The following EPS8L2 variants were observed in gnomAD, a reference collection of about 807,000 sequenced individuals.
EPS8L2 encodes the protein epidermal growth factor receptor kinase substrate 8-like protein 2.
A neutral mutation model predicts 99.4 loss-of-function variants in EPS8L2; 81 were observed. The observed-to-expected ratio is 0.82, with a 90% CI of 0.68 to 0.98. EPS8L2 has a LOEUF of 0.98. EPS8L2 is among the 50% of genes least tolerant of loss of function. The pLI, the probability that EPS8L2 is intolerant of heterozygous loss-of-function variation, is 0.00. For missense variants in EPS8L2, 1,155 were observed against 968.8 expected (o/e 1.19, Z -2.55); for synonymous variants, 509 against 407.3 (o/e 1.25, Z -3.01).
Position 720,828 on chromosome 11 carries a change from A to G in EPS8L2, c.478-2A>G. On this transcript the variant is annotated splice_acceptor_variant, in intron 6 of 20. Transcript: ENST00000318562. LOFTEE classifies it high-confidence loss of function. ...CTGGCCGCCTGACGCCCGCTTTCCC[A>G]GGCAGAGCTGGTGCACGAGGACATC... 3 of 1,543,010 alleles carry G rather than the reference A, an allele frequency of 1.9e-6. No individual in the cohort carries two copies. Among genetic ancestry groups the G allele is most frequent in the Non-Finnish European group, 1.7e-6 (2 of 1,146,068 alleles).
At chr11:714,864 A>G (rs1302070815) in intron 4 of EPS8L2, among the ~76,000 whole-genome samples, 2 of 152,018 alleles carry the variant, frequency 1.3e-5, no homozygotes, top group Admixed American at 1.3e-4. Flanking sequence ...TAATTTTCGT[A>G]TAATGCCTAT....
intron 16 of EPS8L2, among the ~76,000 whole-genome samples, chr11:725,274 G>A (rs1365629799): frequency 6.6e-6 from 1 of 152,256 alleles, no homozygotes; most frequent in Non-Finnish European, 1.5e-5. Flanking sequence ...GCACTGGGAG[G>A]CCAAGGCGGG....
rs1014065013 is a variant in EPS8L2 at position 724,175 on chromosome 11, G to A, written c.1455-549G>A. Among the ~76,000 whole-genome samples the A allele has an allele frequency of 3.9e-5, 6 of 152,180 alleles. No homozygotes were observed. Among genetic ancestry groups the A allele is most frequent in the Non-Finnish European group, 5.9e-5 (4 of 68,026 alleles). The stretch of plus-strand genomic sequence containing the variant: ...CTGACCAGGATGGACGGCCTGGCCA[G>A]GTGACAGCCACAGGCCTGCTACATG... On this transcript the variant is annotated intron_variant, in intron 15 of 20. Transcript: ENST00000318562. This position sits in a 1 kb window ranked among gnomAD's most constrained non-coding sequence, Gnocchi z 5.5.
chr11:721,833 C>T (rs980597473), intron 10 of EPS8L2, 70 bp from the exon 11 acceptor site: 2 of 1,515,140 alleles, frequency 1.3e-6, no homozygotes, highest in South Asian at 1.2e-5. Flanking sequence ...AGATGGGCTG[C>T]GTGGGACAGA....
intron 4 of EPS8L2, among the ~76,000 whole-genome samples, chr11:711,351 A>G (rs1590047327): frequency 1.6e-5 from 2 of 124,590 alleles, no homozygotes; most frequent in Non-Finnish European, 3.5e-5. Flanking sequence ...TCTTTCTTTC[A>G]TTTTGAGACA....
chr11:724,778 C>T lies in EPS8L2; in HGVS notation c.1509C>T (p.Phe503=). Residue 503 remains phenylalanine, a synonymous_variant, in exon 16 of 21, where the codon TTC becomes TTT. Coordinates refer to ENST00000318562, the MANE Select transcript of EPS8L2 (RefSeq NM_022772.4). This position sits in a 1 kb window ranked among gnomAD's most constrained non-coding sequence, Gnocchi z 5.5. ...AGTACGTCAAGATCCTGTATGACTT[C>T]ACAGCCCGAAATGCCAACGAGCTAT... ...MAKYVKILYD[F]TARNANELSV... is the part of the protein sequence containing the mutation. 5.6e-6 allele frequency: 9 copies of T among 1,613,684 alleles called. No homozygotes were observed. Among genetic ancestry groups the T allele is most frequent in the Non-Finnish European group, 7.6e-6 (9 of 1,179,964 alleles).
At chr11:725,648 C>A (rs1205350431) in intron 16 of EPS8L2, 80 bp from the exon 17 acceptor site, 7 of 1,257,250 alleles carry the variant, frequency 5.6e-6, no homozygotes, top group Non-Finnish European at 7.0e-6. Context: ...GCGCTCCCGA[C>A]CTCTGTAAAG....
At chr11:715,678 T>C (rs1464959015) in intron 4 of EPS8L2, among the ~76,000 whole-genome samples, 1 of 148,388 alleles carries the variant, frequency 6.7e-6, no homozygotes, top group African/African-American at 2.5e-5. Context: ...TGGAGTGCAG[T>C]GGCACGATCT....
At position 718,075 on chromosome 11, in the gene EPS8L2, G is replaced by A. The variant is rs1484183440; in HGVS notation, c.166-1987G>A. ...AGGCTGGGCATGGTGGCTCACGCCT[G>A]TAATCCCAGCACTTTGGGAGGCTGA... On this transcript the variant is annotated intron_variant, in intron 4 of 20. Transcript: ENST00000318562. 4.0e-5 allele frequency among the ~76,000 whole-genome samples: 6 copies of A among 151,808 alleles called. 1 individual carries two copies. Among genetic ancestry groups the A allele is most frequent in the African/African-American group, 7.3e-5 (3 of 41,318 alleles).
chr11:722,003 G>A lies in EPS8L2; in HGVS notation c.984+12G>A, dbSNP rs1427313251. 1 of 1,606,470 alleles carries A rather than the reference G, an allele frequency of 6.2e-7. No individual in the cohort carries two copies. ...CGATTAACTTGCTGGTGGGTCCGGT[G>A]GCCCCAGCCCTGCCCCACTGTCTGT... On this transcript the variant is annotated intron_variant, in intron 11 of 20. Coordinates refer to ENST00000318562, the MANE Select transcript of EPS8L2 (RefSeq NM_022772.4).
intron 13 of EPS8L2, 34 bp downstream of exon 13, chr11:722,583 GGGGGGCCAGCGCTGCAT>G (rs758167786): frequency 6.2e-7 from 1 of 1,611,418 alleles, no homozygotes; most frequent in South Asian, 1.1e-5. Flanking sequence ...GGGGCTTCAT[GGGGGGCCAGCGCTGCAT>G]GGGGGCCAGC....
Position 726,424 on chromosome 11 carries a change from C to A in EPS8L2, c.1874C>A (p.Thr625Asn). The stretch of plus-strand genomic sequence containing the variant: ...AGCCAGCCCGTGAGCCAGCCGCTCA[C>A]CTACGAGTCGGGTCCGGACGAGGTC... ...ERSQPVSQPL[T>N]YESGPDEVRA... Residue 625 changes from threonine (T) to asparagine (N), a missense_variant, in exon 19 of 21, where the codon ACC becomes AAC. Transcript: ENST00000318562. 1 of 1,602,214 alleles carries A rather than the reference C, an allele frequency of 6.2e-7. No homozygotes were observed. Among genetic ancestry groups the A allele is most frequent in the Non-Finnish European group, 8.5e-7 (1 of 1,175,628 alleles).
Position 720,115 on chromosome 11 carries a change from C to A in EPS8L2, c.219C>A (p.Asp73Glu). 2 of 1,613,356 alleles carry A rather than the reference C, an allele frequency of 1.2e-6. No individual in the cohort carries two copies. The highest frequency in any genetic ancestry group is 8.5e-7 in the Non-Finnish European group (1 of 1,179,952). ...GCGAAGCCATCACGTCTGTGGACGA[C>A]GCCATCCGGAAGCTGGTGCAGCTGA... ...DKSEAITSVD[D>E]AIRKLVQLSS... The change falls in exon 5 of 21, where the codon GAC becomes GAA. Residue 73 changes from aspartate to glutamate, a missense_variant. Coordinates refer to ENST00000318562, the MANE Select transcript of EPS8L2 (RefSeq NM_022772.4).
chr11:710,385 T>C, intron 3 of EPS8L2, 37 bp from the exon 4 acceptor site: 1 of 1,604,056 alleles, frequency 6.2e-7, no homozygotes, highest in Non-Finnish European at 8.5e-7. Context: ...CTGTGGGTCC[T>C]GCCCGTCGGG....
chr11:710,260 T>C, intron 3 of EPS8L2, 162 bp from the exon 4 acceptor site: 1 of 654,470 alleles, frequency 1.5e-6, no homozygotes, highest in Non-Finnish European at 2.7e-6. Flanking sequence ...GGGGGCTTCC[T>C]GCAGGTCCTG....
At chr11:722,582 TG>T (rs1429688252) in intron 13 of EPS8L2, 33 bp downstream of exon 13, 2 of 1,611,554 alleles carry the variant, frequency 1.2e-6, no homozygotes, top group Admixed American at 1.7e-5. Context: ...CGGGGCTTCA[TG>T]GGGGGCCAGC....
chr11:725,968 C>T (rs1474598544), intron 17 of EPS8L2, 121 bp downstream of exon 17: 16 of 1,361,778 alleles, frequency 1.2e-5, no homozygotes, highest in South Asian at 1.5e-5. Flanking sequence ...TGCAGGGCTC[C>T]CTGGGCAGAA....
At chr11:707,349 G>A (rs1043134225) in intron 1 of EPS8L2, among the ~76,000 whole-genome samples, 15 of 152,186 alleles carry the variant, frequency 9.9e-5, no homozygotes, top group African/African-American at 2.7e-4. Context: ...CCCACCCAGC[G>A]CCTATGAGGG....
Position 721,708 on chromosome 11 carries a change from C to A in EPS8L2, c.895+17C>A. On this transcript the variant is annotated intron_variant, in intron 10 of 20. Coordinates refer to ENST00000318562, the MANE Select transcript of EPS8L2 (RefSeq NM_022772.4). ...CGCCAGCAGGTGCAGGGGACAGGGA[C>A]GGGGCCGGCAGGTGCAGGGGACGGG... The A allele has an allele frequency of 6.3e-7, 1 of 1,598,068 alleles. No individual in the cohort carries two copies. The highest frequency in any genetic ancestry group is 8.5e-7 in the Non-Finnish European group (1 of 1,171,836).
Sources: gnomAD v4.1 joint callset for allele counts (sites outside exome capture counted in the v4.1 genomes callset) on GRCh38, gnomAD v4.1.1 for gene constraint, Gnocchi (gnomAD v3.1) non-coding constraint, MANE v1.5 for transcripts, NCBI Gene and HGNC (gene_info 2026-07-23, HGNC 2026-07-21) for gene names.